Variants in RNASEH2B observed in about 807,000 individuals in gnomAD.
RNASEH2B encodes the protein Aicardi-Goutieres syndrome 2 protein.
A neutral mutation model predicts 45.0 loss-of-function variants in RNASEH2B; 36 were observed. The ratio of observed to expected loss-of-function variants is 0.80; its 90% CI spans 0.61 to 1.06. RNASEH2B has a LOEUF of 1.06. Among genes scored for constraint, RNASEH2B ranks in the 50% least tolerant of loss-of-function variants. RNASEH2B has a pLI of 0.00. For missense variants in RNASEH2B, 361 were observed against 360.3 expected (o/e 1.00, Z -0.02); for synonymous variants, 119 against 125.7 (o/e 0.95, Z 0.35).
At position 50,910,081 on chromosome 13, in the gene RNASEH2B, C is replaced by T. The variant is rs1879256196; in HGVS notation, c.5C>T (p.Ala2Val). ...GCCCCGGAAGAGGCGGGCGGCATGG[C>T]CGCTGGCGTGGACTGCGGGGACGGG... M[A>V]AGVDCGDGVG... The change falls in exon 1 of 11, where the codon GCC becomes GTC. Residue 2 changes from alanine to valine, a missense_variant. By Grantham distance (64) the Ala-to-Val change is moderately conservative. Coordinates refer to ENST00000336617, the MANE Select transcript of RNASEH2B (RefSeq NM_024570.4). 1.4e-6 allele frequency: 2 copies of T among 1,464,546 alleles called. No homozygotes were observed. Among genetic ancestry groups the T allele is most frequent in the Non-Finnish European group, 1.8e-6 (2 of 1,112,420 alleles). The allele number at this position is 1,464,546 out of a possible 1,614,324, so 90.7% of individuals were successfully genotyped here.
At chr13:50,956,275 G>A (rs1952046858) in intron 10 of RNASEH2B, 83 bp from the exon 11 acceptor site, 1 of 1,144,168 alleles carries the variant, frequency 8.7e-7, no homozygotes, top group African/African-American at 1.6e-5. Context: ...TGAAACTTGA[G>A]ACATGCAGTC....
chr13:50,962,335 G>A (rs1185335261), intron 9 of RNASEH2B, among the ~76,000 whole-genome samples: 1 of 152,084 alleles, frequency 6.6e-6, no homozygotes, highest in African/African-American at 2.4e-5. Context: ...ATTTGGACCT[G>A]GAATTTTCTT....
At chr13:50,915,503 A>G in intron 1 of RNASEH2B, 3 of 398,636 alleles carry the variant, frequency 7.5e-6, no homozygotes, top group Non-Finnish European at 1.3e-5. Context: ...GACCACCTAC[A>G]CATTTCATCA....
intron 1 of RNASEH2B, among the ~76,000 whole-genome samples, chr13:50,916,076 A>T (rs536615611): frequency 6.6e-6 from 1 of 152,096 alleles, no homozygotes; most frequent in South Asian, 2.1e-4. Context: ...CAGTATAGAA[A>T]TTCTAGTAAT....
intron 1 of RNASEH2B, among the ~76,000 whole-genome samples, chr13:50,926,768 A>T (rs980939647): frequency 5.9e-5 from 9 of 152,214 alleles, no homozygotes; most frequent in African/African-American, 2.2e-4. Flanking sequence ...ATATGGCAAA[A>T]ATCATTATAA....
At chr13:50,918,887 G>A (rs1951482343) in intron 1 of RNASEH2B, among the ~76,000 whole-genome samples, 1 of 152,142 alleles carries the variant, frequency 6.6e-6, no homozygotes, top group Non-Finnish European at 1.5e-5. Flanking sequence ...AAGCATGAGA[G>A]TGATAATCTC....
chr13:50,914,903 A>G (rs1744287096), intron 1 of RNASEH2B, among the ~76,000 whole-genome samples: 1 of 152,224 alleles, frequency 6.6e-6, no homozygotes, highest in Admixed American at 6.5e-5. Context: ...TGTGATTTTA[A>G]AAAACAAACA....
chr13:50,919,418 T>A (rs2137898782), intron 1 of RNASEH2B, among the ~76,000 whole-genome samples: 1 of 152,234 alleles, frequency 6.6e-6, no homozygotes, highest in South Asian at 2.1e-4. Context: ...TGGGGAGAAG[T>A]ATATGCAGCT....
intron 4 of RNASEH2B, among the ~76,000 whole-genome samples, chr13:50,933,605 A>G (rs1314639758): frequency 6.6e-6 from 1 of 152,170 alleles, no homozygotes; most frequent in Non-Finnish European, 1.5e-5. Flanking sequence ...TTTTCTAGGT[A>G]TCCCACTGCT....
At chr13:50,963,773 A>C (rs530698674) in intron 9 of RNASEH2B, among the ~76,000 whole-genome samples, 1 of 152,344 alleles carries the variant, frequency 6.6e-6, no homozygotes, top group East Asian at 1.9e-4. Flanking sequence ...CCATACTACA[A>C]AGATCAAAAC....
At chr13:50,970,308 T>C in exon 10 of RNASEH2B, 1 of 487,566 alleles carries the variant, frequency 2.1e-6, no homozygotes, top group South Asian at 3.8e-5. Flanking sequence ...GATTTCACCC[T>C]GAAAGCTTTG....
downstream of RNASEH2B, among the ~76,000 whole-genome samples, chr13:50,960,791 G>A (rs1450549254): frequency 6.6e-6 from 1 of 152,146 alleles, no homozygotes; most frequent in African/African-American, 2.4e-5. Flanking sequence ...GTTAGAATTA[G>A]GCTAGCTTTC....
intron 9 of RNASEH2B, among the ~76,000 whole-genome samples, chr13:50,969,437 T>C (rs1414915515): frequency 1.3e-5 from 2 of 149,224 alleles, no homozygotes; most frequent in African/African-American, 5.0e-5. Flanking sequence ...ACTACTTCTA[T>C]CAGCAACAAG....
chr13:50,915,440 G>T, intron 1 of RNASEH2B: 1 of 398,604 alleles, frequency 2.5e-6, no homozygotes, highest in Non-Finnish European at 4.4e-6. Flanking sequence ...CTACCAGGAA[G>T]CCTTCCCATG....
intron 8 of RNASEH2B, chr13:50,948,282 A>C: frequency 1.5e-6 from 1 of 681,496 alleles, no homozygotes; most frequent in Non-Finnish European, 2.2e-6. Flanking sequence ...GTGAATGTCA[A>C]GATTGGAATT....
intron 5 of RNASEH2B, chr13:50,942,338 T>C (rs1216627182): frequency 1.3e-5 from 2 of 152,178 alleles, no homozygotes; most frequent in Non-Finnish European, 2.9e-5. Flanking sequence ...AGGGCCAGAT[T>C]GAGCCTACCA....
At chr13:50,938,434 G>C (rs976825823) in intron 5 of RNASEH2B, 3 of 151,294 alleles carry the variant, frequency 2.0e-5, no homozygotes, top group Non-Finnish European at 2.9e-5. Flanking sequence ...TTTTTGGTAG[G>C]TATTGATAAA....
intron 1 of RNASEH2B, among the ~76,000 whole-genome samples, chr13:50,916,956 C>T (rs1234673910): frequency 6.6e-6 from 1 of 152,194 alleles, no homozygotes; most frequent in East Asian, 1.9e-4. Flanking sequence ...TGTTAACTTC[C>T]TCTTCTCAAA....
intron 6 of RNASEH2B, 79 bp downstream of exon 6, chr13:50,943,473 T>C: frequency 1.0e-6 from 1 of 972,720 alleles, no homozygotes; most frequent in Non-Finnish European, 1.7e-6. Context: ...GCAGTAAGTC[T>C]GAATCCAGAG....
Sources: allele counts gnomAD v4.1 joint callset (sites outside exome capture counted in the v4.1 genomes callset), GRCh38; gene constraint gnomAD v4.1.1; transcripts MANE v1.5; gene names NCBI Gene and HGNC (gene_info 2026-07-23, HGNC 2026-07-21).